Variants in ANXA3 observed in about 807,000 individuals in gnomAD.
ANXA3 encodes 35-alpha calcimedin.
A neutral mutation model predicts 48.8 loss-of-function variants in ANXA3; 46 were observed. The observed-to-expected ratio is 0.94, with a 90% CI of 0.74 to 1.21. The LOEUF (loss-of-function observed/expected upper bound fraction) is 1.21, where lower values mean the gene tolerates loss of function less well. Among genes scored for constraint, ANXA3 ranks in the 50% most tolerant of loss-of-function variants. The pLI is 0.00. For missense variants in ANXA3, 383 were observed against 378.6 expected (o/e 1.01, Z -0.10); for synonymous variants, 128 against 134.7 (o/e 0.95, Z 0.35).
At chr4:78,578,452 T>C (rs1338920832) in intron 3 of ANXA3, among the ~76,000 whole-genome samples, 2 of 152,038 alleles carry the variant, frequency 1.3e-5, no homozygotes, top group African/African-American at 2.4e-5. Flanking sequence ...TAGAAATATA[T>C]GTTTTGGGGT....
chr4:78,590,140 A>G (rs1723258875), intron 6 of ANXA3, among the ~76,000 whole-genome samples: 1 of 152,184 alleles, frequency 6.6e-6, no homozygotes, highest in Admixed American at 6.5e-5. Flanking sequence ...ATTACAAAAT[A>G]CTTCCCCAAG....
Position 78,554,493 on chromosome 4 carries a change from G to T in ANXA3, c.15+5G>T. 1 of 1,612,994 alleles carries T rather than the reference G, an allele frequency of 6.2e-7. No homozygotes were observed. Among genetic ancestry groups the T allele is most frequent in the Non-Finnish European group, 8.5e-7 (1 of 1,179,412 alleles). Reference sequence around the variant, plus strand: ...GATATCATGGCATCTATCTGGGTAAGTAAAAATTAAGCCTTCACAACACAG... The same window carrying T: ...GATATCATGGCATCTATCTGGGTAATTAAAAATTAAGCCTTCACAACACAG... On this transcript the variant is annotated splice_donor_5th_base_variant and intron_variant, in intron 2 of 12. Coordinates refer to ENST00000264908, the MANE Select transcript of ANXA3 (RefSeq NM_005139.3).
At chr4:78,553,343 T>G (rs566276889) in intron 1 of ANXA3, among the ~76,000 whole-genome samples, 1 of 152,310 alleles carries the variant, frequency 6.6e-6, no homozygotes, top group African/African-American at 2.4e-5. Context: ...AATAAGTTTT[T>G]TTTTTAAATA....
In ANXA3 at chr4:78,610,215, A is replaced by G; in HGVS notation, c.*100A>G. On this transcript the variant is annotated 3_prime_UTR_variant, in exon 13 of 13. Transcript: ENST00000264908. Reference sequence around the variant, plus strand: ...AAGAGAACAAGCAAATATAAACAGCAACTTGTGTTCCTAACAGGAATTTTC... The same window carrying G: ...AAGAGAACAAGCAAATATAAACAGCGACTTGTGTTCCTAACAGGAATTTTC... 1.4e-6 allele frequency: 1 copy of G among 732,376 alleles called. No homozygotes were observed. Among genetic ancestry groups the G allele is most frequent in the Non-Finnish European group, 2.2e-6 (1 of 451,826 alleles). The allele number at this position is 732,376 out of a possible 1,614,324, so 45.4% of individuals were successfully genotyped here.
chr4:78,603,976 A>G (rs1459552398), intron 11 of ANXA3: 1 of 204,298 alleles, frequency 4.9e-6, no homozygotes, highest in Non-Finnish European at 9.8e-6. Flanking sequence ...ATGGTACCCA[A>G]TATTTTCAAC....
At chr4:78,578,852 AAAATAAATAAATAAATAAAT>A (rs3840270) in intron 3 of ANXA3, among the ~76,000 whole-genome samples, 155 bp from the exon 4 acceptor site, 3 of 148,742 alleles carry the variant, frequency 2.0e-5, no homozygotes, top group African/African-American at 7.5e-5. Flanking sequence ...TCAGGCAAAC[AAAATAAATAAATAAATAAAT>A]AAATAAATAA....
intron 11 of ANXA3, 89 bp downstream of exon 11, chr4:78,601,657 G>C: frequency 9.0e-7 from 1 of 1,107,324 alleles, no homozygotes; most frequent in Non-Finnish European, 1.3e-6. Flanking sequence ...TTAAAAATTA[G>C]TTATTTTAAT....
chr4:78,562,932 C>T (rs1310280131), intron 2 of ANXA3, among the ~76,000 whole-genome samples: 4 of 152,162 alleles, frequency 2.6e-5, no homozygotes, highest in African/African-American at 7.2e-5. Flanking sequence ...TTGAATGCAA[C>T]AGGAAGATTC....
chr4:78,593,143 A>ACACACACACC (rs1723337382), intron 7 of ANXA3, among the ~76,000 whole-genome samples: 1 of 151,414 alleles, frequency 6.6e-6, no homozygotes, highest in Non-Finnish European at 1.5e-5. Flanking sequence ...ACACACACAC[A>ACACACACACC]CACACACACC....
At chr4:78,591,498 A>G (rs916813519) in intron 6 of ANXA3, 46 bp from the exon 7 acceptor site, 5 of 1,309,030 alleles carry the variant, frequency 3.8e-6, no homozygotes, top group Non-Finnish European at 5.5e-6. Flanking sequence ...TTATAATCAT[A>G]TTTTTCAGTT....
chr4:78,586,492 T>G (rs1196264648), intron 6 of ANXA3, 142 bp downstream of exon 6: 8 of 591,332 alleles, frequency 1.4e-5, no homozygotes, highest in Non-Finnish European at 1.7e-5. Context: ...TAAAATCAGC[T>G]AAAGACTATG....
intron 6 of ANXA3, among the ~76,000 whole-genome samples, chr4:78,588,158 G>A (rs1578399775): frequency 6.6e-6 from 1 of 152,072 alleles, no homozygotes; most frequent in Non-Finnish European, 1.5e-5. Context: ...TTGGGAGGCT[G>A]AGGTGGGCAG....
intron 2 of ANXA3, among the ~76,000 whole-genome samples, chr4:78,570,374 A>G (rs1220163653): frequency 6.6e-6 from 1 of 152,252 alleles, no homozygotes; most frequent in Non-Finnish European, 1.5e-5. Context: ...CTGAGTTTTC[A>G]TGATGCATGA....
intron 3 of ANXA3, among the ~76,000 whole-genome samples, chr4:78,573,742 T>TG (rs1453922010): frequency 6.6e-6 from 1 of 152,232 alleles, no homozygotes; most frequent in Admixed American, 6.5e-5. Context: ...ATGAAGATTC[T>TG]GGGAAAAAGG....
At chr4:78,553,681 C>G (rs75838674) in intron 1 of ANXA3, among the ~76,000 whole-genome samples, 1,848 of 152,220 alleles carry the variant, frequency 0.012, 45 homozygotes, top group African/African-American at 0.042. Context: ...CCTGAAAAAA[C>G]CAAGGTGAAA....
At position 78,593,289 on chromosome 4, in the gene ANXA3, G is replaced by A. The variant is rs1032100505; in HGVS notation, c.483+1666G>A. Among the ~76,000 whole-genome samples, 9 of 151,976 alleles carry A rather than the reference G, an allele frequency of 5.9e-5. No individual in the cohort carries two copies. The South Asian group carries it at 1.5e-3, about 25-fold the overall frequency. ...GCGATCTCGGCTCACTGCAACCTCT[G>A]CCTCCCAGGTTCAAGCAATTCTCCT... On this transcript the variant is annotated intron_variant, in intron 7 of 12. Transcript: ENST00000264908.
At chr4:78,564,212 G>A (rs751737134) in intron 2 of ANXA3, among the ~76,000 whole-genome samples, 6 of 152,152 alleles carry the variant, frequency 3.9e-5, no homozygotes, top group African/African-American at 9.7e-5. Flanking sequence ...AACCCTGAGC[G>A]CTTGGAGAGA....
Position 78,601,564 on chromosome 4 carries a change from T to C in ANXA3, c.785T>C (p.Leu262Ser), listed in dbSNP as rs1381548872. ...AFLAERLHRA[L>S]KGIGTDEFTL... Reference sequence around the variant, plus strand: ...TTAGCCGAAAGACTGCATCGAGCCTTGAAGGTTGGTCTGGAAAGTTCATGT... The same window carrying C: ...TTAGCCGAAAGACTGCATCGAGCCTCGAAGGTTGGTCTGGAAAGTTCATGT... Residue 262 changes from leucine to serine, a missense_variant, in exon 11 of 13, where the codon TTG becomes TCG. By Grantham distance (145) the Leu-to-Ser change is moderately radical. Coordinates refer to ENST00000264908, the MANE Select transcript of ANXA3 (RefSeq NM_005139.3). 6.2e-7 allele frequency: 1 copy of C among 1,613,812 alleles called. No homozygotes were observed.
chr4:78,568,469 G>T (rs1372740572), intron 2 of ANXA3, among the ~76,000 whole-genome samples: 1 of 152,082 alleles, frequency 6.6e-6, no homozygotes. Context: ...CTCAATTTTT[G>T]GATGTGGCCT....
Sources: allele counts gnomAD v4.1 joint callset (sites outside exome capture counted in the v4.1 genomes callset), GRCh38; gene constraint gnomAD v4.1.1; transcripts MANE v1.5; gene names NCBI Gene and HGNC (gene_info 2026-07-23, HGNC 2026-07-21).